AIG1: variants seen among roughly 807,000 people sequenced by gnomAD.
AIG1 encodes the protein androgen induced 1.
A neutral mutation model predicts 31.4 loss-of-function variants in AIG1; 23 were observed. The observed-to-expected ratio is 0.73, with a 90% CI of 0.53 to 1.04. AIG1 has a LOEUF of 1.04. Ranked by LOEUF, AIG1 falls within the 50% of genes least tolerant of loss-of-function variation. AIG1 has a pLI of 0.00. For synonymous variants in AIG1, 100 were observed against 110.5 expected (o/e 0.90, Z 0.60); for missense variants, 274 against 295.0 (o/e 0.93, Z 0.52).
At chr6:143,270,553 C>A (rs1796444627) in intron 3 of AIG1, among the ~76,000 whole-genome samples, 1 of 152,150 alleles carries the variant, frequency 6.6e-6, no homozygotes, top group Non-Finnish European at 1.5e-5. Flanking sequence ...GCCTTTTTCT[C>A]CCTTGGCTTT....
intron 3 of AIG1, among the ~76,000 whole-genome samples, chr6:143,231,538 C>CTATA (rs1283770678): frequency 6.6e-6 from 1 of 152,082 alleles, no homozygotes; most frequent in Non-Finnish European, 1.5e-5. Flanking sequence ...ATGGGCATAG[C>CTATA]TATAGACCAG....
chr6:143,088,528 A>G lies in AIG1; in HGVS notation c.141+27462A>G, dbSNP rs553912636. ...GTAGAGATCACAAAATATAGCACGA[A>G]ACGTGTAGGTTAGTAACTGGGGACT... On this transcript the variant is annotated intron_variant, in intron 1 of 5. Coordinates refer to ENST00000357847, the MANE Select transcript of AIG1 (RefSeq NM_016108.4). Among the ~76,000 whole-genome samples the G allele has an allele frequency of 1.1e-4, 16 of 152,324 alleles. No individual in the cohort carries two copies. In the East Asian group the frequency reaches 3.1e-3, roughly 29 times the overall value.
chr6:143,278,464 CTTTT>C (rs1008735692), intron 3 of AIG1, among the ~76,000 whole-genome samples: 4 of 135,914 alleles, frequency 2.9e-5, no homozygotes, highest in African/African-American at 1.1e-4. Flanking sequence ...TTTTTCTTTT[CTTTT>C]TTTTTTTTTT....
intron 3 of AIG1, among the ~76,000 whole-genome samples, chr6:143,176,115 G>A (rs779536477): frequency 1.3e-5 from 2 of 152,176 alleles, no homozygotes; most frequent in Non-Finnish European, 2.9e-5. Flanking sequence ...CCAGGCTCTG[G>A]CTTGGTACTG....
chr6:143,248,599 C>T (rs1038065816), intron 3 of AIG1, among the ~76,000 whole-genome samples: 1 of 152,200 alleles, frequency 6.6e-6, no homozygotes, highest in Non-Finnish European at 1.5e-5. Context: ...AAGGGGCGGG[C>T]ATCTCCCACC....
intron 3 of AIG1, among the ~76,000 whole-genome samples, chr6:143,249,873 C>G (rs1234757253): frequency 6.6e-6 from 1 of 152,194 alleles, no homozygotes; most frequent in Non-Finnish European, 1.5e-5. Flanking sequence ...TGTAGTGAAT[C>G]AAGGAGGTCA....
chr6:143,168,401 T>C (rs1435214710), intron 3 of AIG1, among the ~76,000 whole-genome samples: 1 of 149,168 alleles, frequency 6.7e-6, no homozygotes, highest in African/African-American at 2.5e-5. Flanking sequence ...ATGCTATCCC[T>C]CTCCCCTCCC....
In AIG1 at chr6:143,061,031, G is replaced by T; in HGVS notation, c.106G>T (p.Gly36Ter). Residue 36 changes from glycine to a stop codon, truncating the protein, a stop_gained, in exon 1 of 6, where the codon GGA becomes TGA. Transcript: ENST00000357847. LOFTEE classifies it high-confidence loss of function. ...CGAAATGCCCTCACACCAGACCTAC[G>T]GAGGGAGCTGGAAATTCCTGACGTT... ...AIEMPSHQTY[G>*]GSWKFLTFID... 1 of 1,613,360 alleles carries T rather than the reference G, an allele frequency of 6.2e-7. No homozygotes were observed. Among genetic ancestry groups the T allele is most frequent in the Non-Finnish European group, 8.5e-7 (1 of 1,179,660 alleles).
intron 3 of AIG1, among the ~76,000 whole-genome samples, chr6:143,177,334 G>A (rs1167303025): frequency 6.6e-6 from 1 of 152,078 alleles, no homozygotes; most frequent in East Asian, 1.9e-4. Context: ...GAATTGTTGT[G>A]TTCTTTTGAA....
In AIG1 at chr6:143,328,723, T is replaced by G. The variant is rs1776818274; in HGVS notation, c.516-4559T>G. 6.6e-6 allele frequency among the ~76,000 whole-genome samples: 1 copy of G among 152,186 alleles called. No homozygotes were observed. The highest frequency in any genetic ancestry group is 1.5e-5 in the Non-Finnish European group (1 of 68,026). Reference sequence around the variant, plus strand: ...TAACAAAGCACTCAGATAGGAGGCATGAATAAATGTTATTTTTTTAATTGT... The same window carrying G: ...TAACAAAGCACTCAGATAGGAGGCAGGAATAAATGTTATTTTTTTAATTGT... On this transcript the variant is annotated intron_variant, in intron 4 of 5. Transcript: ENST00000357847. The surrounding 1 kb of genome is among the most constrained non-coding windows in gnomAD (Gnocchi z 4.0).
rs1797846625 is a variant in AIG1, at chr6:143,288,509, A to C, written c.515+4284A>C. Among the ~76,000 whole-genome samples, 1 of 152,216 alleles carries C rather than the reference A, an allele frequency of 6.6e-6. No individual in the cohort carries two copies. The highest frequency in any genetic ancestry group is 2.1e-4 in the South Asian group (1 of 4,836). On this transcript the variant is annotated intron_variant, in intron 4 of 5. Transcript: ENST00000357847. The surrounding 1 kb of genome is among the most constrained non-coding windows in gnomAD (Gnocchi z 4.4). ...TGTCAACTGCTGTGAGTGTATTTAA[A>C]GCAAAATAGAGATGTCTGTTGTCTC... is the stretch of plus-strand genomic sequence containing the variant.
rs144801024 is a variant in AIG1, at chr6:143,117,531, G to A, written c.142-19304G>A. On this transcript the variant is annotated intron_variant, in intron 1 of 5. Coordinates refer to ENST00000357847, the MANE Select transcript of AIG1 (RefSeq NM_016108.4). ...CATCCATTGAGATGAGGATGACGGT[G>A]GAAGAAGCAGATTGTCGGGGAGAGC... Among the ~76,000 whole-genome samples the A allele has an allele frequency of 2.1e-3, 315 of 152,184 alleles. 6 individuals are homozygous for A. Among genetic ancestry groups the A allele is most frequent in the African/African-American group, 7.4e-3 (306 of 41,526 alleles).
rs1366824651 is a variant in AIG1, at chr6:143,284,584, C to G, written c.515+359C>G. Among the ~76,000 whole-genome samples, 1 of 152,040 alleles carries G rather than the reference C, an allele frequency of 6.6e-6. No homozygotes were observed. Among genetic ancestry groups the G allele is most frequent in the African/African-American group, 2.4e-5 (1 of 41,376 alleles). Reference sequence around the variant, plus strand: ...TTGTTGGGGGGCAGGGGAGTTGCAGCAAACACAAATGAGAACAGAAGTGAC... The same window carrying G: ...TTGTTGGGGGGCAGGGGAGTTGCAGGAAACACAAATGAGAACAGAAGTGAC... On this transcript the variant is annotated intron_variant, in intron 4 of 5. Transcript: ENST00000357847. This position sits in a 1 kb window ranked among gnomAD's most constrained non-coding sequence, Gnocchi z 4.4.
At chr6:143,336,761 G>A (rs942434645) in intron 5 of AIG1, among the ~76,000 whole-genome samples, 1 of 152,112 alleles carries the variant, frequency 6.6e-6, no homozygotes, top group Admixed American at 6.5e-5. Context: ...TCATAAAATT[G>A]GGTATGCGTG....
intron 4 of AIG1, among the ~76,000 whole-genome samples, chr6:143,294,288 A>G (rs930072550): frequency 2.6e-5 from 4 of 152,150 alleles, no homozygotes; most frequent in Non-Finnish European, 5.9e-5. Context: ...GCCCCTGTAC[A>G]TCTAGCTGCT....
intron 5 of AIG1, 89 bp from the exon 6 acceptor site, chr6:143,339,550 A>T: frequency 1.5e-6 from 2 of 1,324,038 alleles, no homozygotes; most frequent in Admixed American, 3.6e-5. Flanking sequence ...AGATGAGTGG[A>T]TGTGTGAGTA....
At chr6:143,119,010 A>G (rs1475760835) in intron 1 of AIG1, among the ~76,000 whole-genome samples, 1 of 151,822 alleles carries the variant, frequency 6.6e-6, no homozygotes, top group African/African-American at 2.4e-5. Context: ...AGTAGCTGGT[A>G]CTACAAGTGT....
Position 143,334,338 on chromosome 6 carries a change from T to C in AIG1, c.679+893T>C, listed in dbSNP as rs1777314208. Among the ~76,000 whole-genome samples, 1 of 152,246 alleles carries C rather than the reference T, an allele frequency of 6.6e-6. No individual in the cohort carries two copies. The highest frequency in any genetic ancestry group is 2.4e-5 in the African/African-American group (1 of 41,462). ...GTGACACAGACATTGAGCACCCTGC[T>C]TTGTGCCAGACACCCTGCCAGGAGC... On this transcript the variant is annotated intron_variant, in intron 5 of 5. Coordinates refer to ENST00000357847, the MANE Select transcript of AIG1 (RefSeq NM_016108.4). This position sits in a 1 kb window ranked among gnomAD's most constrained non-coding sequence, Gnocchi z 5.1.
intron 3 of AIG1, chr6:143,189,788 A>G: frequency 1.0e-6 from 1 of 983,764 alleles, no homozygotes; most frequent in Non-Finnish European, 1.2e-6. Context: ...TATTTCCTGA[A>G]ACACTTCTCA....
Sources: allele counts gnomAD v4.1 joint callset (sites outside exome capture counted in the v4.1 genomes callset), GRCh38; gene constraint gnomAD v4.1.1; non-coding constraint Gnocchi (gnomAD v3.1); transcripts MANE v1.5; gene names NCBI Gene and HGNC (gene_info 2026-07-23, HGNC 2026-07-21).